Variants in MDGA2 observed in about 807,000 individuals in gnomAD.
MDGA2 encodes the protein MAM domain-containing glycosylphosphatidylinositol anchor protein 2.
Under a neutral mutation model 117.8 loss-of-function variants are expected in MDGA2, and 40 were observed. The observed-to-expected ratio is 0.34, with a 90% CI of 0.26 to 0.44. The LOEUF (loss-of-function observed/expected upper bound fraction) is 0.44. MDGA2 is among the 20% of genes least tolerant of loss of function. MDGA2 has a pLI of 1.00. For synonymous variants in MDGA2, 452 were observed against 439.0 expected (o/e 1.03, Z -0.37); for missense variants, 1,123 against 1,250.6 (o/e 0.90, Z 1.54).
chr14:46,885,448 ATAAG>A (rs1882636982), intron 10 of MDGA2, among the ~76,000 whole-genome samples: 3 of 152,172 alleles, frequency 2.0e-5, no homozygotes, highest in Admixed American at 1.3e-4. Context: ...GGAAATCCAA[ATAAG>A]TAAGTAACTA....
intron 1 of MDGA2, among the ~76,000 whole-genome samples, chr14:47,606,971 AC>A (rs1896754608): frequency 6.6e-6 from 1 of 152,292 alleles, no homozygotes; most frequent in Admixed American, 6.5e-5. Flanking sequence ...CACTGGTGTA[AC>A]TAATTTTTTC....
chr14:47,125,458 C>A (rs1459647949), intron 5 of MDGA2, among the ~76,000 whole-genome samples: 2 of 151,820 alleles, frequency 1.3e-5, no homozygotes, highest in African/African-American at 4.8e-5. Context: ...TATATCATAA[C>A]TTTCCTAAGA....
intron 1 of MDGA2, among the ~76,000 whole-genome samples, chr14:47,412,550 G>C (rs1892395560): frequency 6.6e-6 from 1 of 152,176 alleles, no homozygotes; most frequent in African/African-American, 2.4e-5. Flanking sequence ...CCAAAGTGTT[G>C]GGATTACAGG....
chr14:47,169,499 A>G (rs1250422498), intron 3 of MDGA2, among the ~76,000 whole-genome samples: 1 of 151,898 alleles, frequency 6.6e-6, no homozygotes, highest in Non-Finnish European at 1.5e-5. Context: ...TCATTTATCT[A>G]TAGATACTAA....
intron 1 of MDGA2, among the ~76,000 whole-genome samples, chr14:47,622,975 G>A (rs1315300817): frequency 2.6e-5 from 4 of 152,078 alleles, no homozygotes; most frequent in Non-Finnish European, 5.9e-5. Flanking sequence ...GTGTGGTAGG[G>A]TTTGAATGCA....
chr14:46,961,605 C>T (rs148344795), intron 8 of MDGA2, among the ~76,000 whole-genome samples: 225 of 151,968 alleles, frequency 1.5e-3, no homozygotes, highest in Non-Finnish European at 2.6e-3. Context: ...AGCTTATCTT[C>T]CATTTCTTTA....
At chr14:47,249,249 C>T (rs1887363582) in intron 2 of MDGA2, among the ~76,000 whole-genome samples, 1 of 151,844 alleles carries the variant, frequency 6.6e-6, no homozygotes, top group Non-Finnish European at 1.5e-5. Context: ...GATCTCTTGA[C>T]CTCGTGATCT....
chr14:47,569,635 C>T (rs1594922775), intron 1 of MDGA2, among the ~76,000 whole-genome samples: 1 of 152,174 alleles, frequency 6.6e-6, no homozygotes, highest in African/African-American at 2.4e-5. Flanking sequence ...AATTATCGAG[C>T]ACTGAGAAAT....
At chr14:47,464,143 A>C (rs561589695) in intron 1 of MDGA2, among the ~76,000 whole-genome samples, 1 of 145,994 alleles carries the variant, frequency 6.8e-6, no homozygotes, top group African/African-American at 2.5e-5. Context: ...ACACACACAC[A>C]CAGAGCCTCT....
In MDGA2 at chr14:47,563,220, T is replaced by G. The variant is rs560036508; in HGVS notation, c.280+111297A>C. On this transcript the variant is annotated intron_variant, in intron 1 of 16. Transcript: ENST00000399232. The stretch of plus-strand genomic sequence containing the variant: ...AGAGGAATGTATATTCTGTTGTTTT[T>G]GGGTGGAGTGTTCTTTAGATGTCTA... 7.9e-5 allele frequency among the ~76,000 whole-genome samples: 12 copies of G among 152,270 alleles called. No individual in the cohort carries two copies. In the East Asian group the frequency reaches 9.6e-4, roughly 12 times the overall value.
chr14:47,126,846 A>C (rs971739483), intron 5 of MDGA2, among the ~76,000 whole-genome samples: 3 of 152,120 alleles, frequency 2.0e-5, no homozygotes, highest in African/African-American at 7.2e-5. Flanking sequence ...TGCAGTAAGA[A>C]CTTTTTAGAC....
chr14:47,083,972 A>C (rs1357265682), intron 6 of MDGA2, among the ~76,000 whole-genome samples: 1 of 152,142 alleles, frequency 6.6e-6, no homozygotes, highest in African/African-American at 2.4e-5. Flanking sequence ...ACAAATCCAC[A>C]ATTATACTTG....
intron 9 of MDGA2, among the ~76,000 whole-genome samples, chr14:46,925,302 A>C (rs1884283141): frequency 6.6e-6 from 1 of 152,140 alleles, no homozygotes; most frequent in Non-Finnish European, 1.5e-5. Context: ...CAAGGTAAAT[A>C]AATAGTAAGA....
rs551398625 is a variant in MDGA2 at position 47,092,042 on chromosome 14, C to T, written c.1195+4812G>A. 5.3e-4 allele frequency among the ~76,000 whole-genome samples: 81 copies of T among 152,270 alleles called. No homozygotes were observed. In the Middle Eastern group the frequency reaches 0.014, roughly 26 times the overall value. On this transcript the variant is annotated intron_variant, in intron 6 of 16. Transcript: ENST00000399232. Reference sequence around the variant, plus strand: ...TTACATGTATGGGTATATTTATTAACTTAGCCCAGGCTACTTTATCTAATA... The same window carrying T: ...TTACATGTATGGGTATATTTATTAATTTAGCCCAGGCTACTTTATCTAATA...
intron 1 of MDGA2, among the ~76,000 whole-genome samples, chr14:47,404,374 T>C (rs967678432): frequency 3.9e-5 from 6 of 151,932 alleles, no homozygotes; most frequent in African/African-American, 1.5e-4. Flanking sequence ...TTAGTAGAGA[T>C]GGGGTTTCAC....
chr14:47,559,042 C>G (rs1895742229), intron 1 of MDGA2, among the ~76,000 whole-genome samples: 1 of 152,102 alleles, frequency 6.6e-6, no homozygotes, highest in Middle Eastern at 3.2e-3. Flanking sequence ...TACTTTAAAA[C>G]ATTAATCAAT....
chr14:46,919,873 T>C, intron 10 of MDGA2, 139 bp downstream of exon 10: 1 of 654,710 alleles, frequency 1.5e-6, no homozygotes. Context: ...TGAAAACATA[T>C]CTATCTGTCT....
intron 1 of MDGA2, among the ~76,000 whole-genome samples, chr14:47,673,632 ATG>A (rs10528657): frequency 0.086 from 12,331 of 143,896 alleles, 637 homozygotes; most frequent in Admixed American, 0.17. Context: ...TATGACCTGG[ATG>A]TGTGTGTGTG....
At chr14:47,523,646 A>C (rs1379378719) in intron 1 of MDGA2, among the ~76,000 whole-genome samples, 1 of 152,166 alleles carries the variant, frequency 6.6e-6, no homozygotes, top group East Asian at 1.9e-4. Context: ...AGGCACCTGC[A>C]CTTTGCTCTA....
Sources: allele counts gnomAD v4.1 joint callset (sites outside exome capture counted in the v4.1 genomes callset), GRCh38; gene constraint gnomAD v4.1.1; transcripts MANE v1.5; gene names NCBI Gene and HGNC (gene_info 2026-07-23, HGNC 2026-07-21).